The following VSNL1 variants were observed in gnomAD, a reference collection of about 807,000 sequenced individuals.
VSNL1 encodes the protein visinin like 1.
VSNL1 carries 6 observed loss-of-function variants against 20.4 expected under a neutral mutation model. The observed-to-expected ratio is 0.29, with a 90% CI of 0.16 to 0.58. VSNL1 has a LOEUF of 0.58. Ranked by LOEUF, VSNL1 falls within the 20% of genes least tolerant of loss-of-function variation. The pLI is 0.90. For missense variants in VSNL1, 100 were observed against 234.5 expected, an observed-to-expected ratio of 0.43 and a Z score of 3.75; for synonymous variants, 93 against 86.4, an observed-to-expected ratio of 1.08 and a Z score of -0.42.
chr2:17,566,733 C>G (rs953904076), intron 1 of VSNL1, among the ~76,000 whole-genome samples: 3 of 152,116 alleles, frequency 2.0e-5, no homozygotes, highest in Non-Finnish European at 4.4e-5. Flanking sequence ...ATTTATCAAC[C>G]TCTTACCATG....
intron 1 of VSNL1, among the ~76,000 whole-genome samples, chr2:17,577,572 A>C (rs1481444510): frequency 6.6e-6 from 1 of 152,138 alleles, no homozygotes. Flanking sequence ...GGAGACCTCA[A>C]ATGTCCTCTC....
chr2:17,630,880 C>G (rs1419975602), intron 2 of VSNL1, among the ~76,000 whole-genome samples: 2 of 152,230 alleles, frequency 1.3e-5, no homozygotes, highest in African/African-American at 4.8e-5. Context: ...CTCCTGGGTT[C>G]AAGCAATTCT....
chr2:17,637,712 G>A (rs148067396), intron 2 of VSNL1, among the ~76,000 whole-genome samples: 247 of 152,320 alleles, frequency 1.6e-3, no homozygotes, highest in African/African-American at 5.7e-3. Flanking sequence ...ACCTGCTGAA[G>A]CAGAATTTGC....
intron 1 of VSNL1, among the ~76,000 whole-genome samples, chr2:17,576,563 A>G (rs1664219578): frequency 6.6e-6 from 1 of 152,144 alleles, no homozygotes; most frequent in Admixed American, 6.6e-5. Flanking sequence ...TTCATATTCT[A>G]TTGATGTTCA....
chr2:17,618,687 G>C (rs955902099), intron 2 of VSNL1, among the ~76,000 whole-genome samples: 1 of 152,082 alleles, frequency 6.6e-6, no homozygotes, highest in Non-Finnish European at 1.5e-5. Flanking sequence ...TAATATTTCC[G>C]ACAGACTGAG....
At chr2:17,605,981 A>G (rs974496816) in intron 2 of VSNL1, among the ~76,000 whole-genome samples, 3 of 152,248 alleles carry the variant, frequency 2.0e-5, no homozygotes, top group African/African-American at 7.2e-5. Flanking sequence ...CTCTGCATAT[A>G]TTAACTCATT....
chr2:17,654,753 G>A (rs771390930), intron 3 of VSNL1, among the ~76,000 whole-genome samples: 16 of 152,088 alleles, frequency 1.1e-4, no homozygotes, highest in Non-Finnish European at 2.2e-4. Context: ...AGGAAAACTC[G>A]GTGATCTGCT....
chr2:17,596,345 C>T (rs369974101), intron 2 of VSNL1, among the ~76,000 whole-genome samples: 2 of 152,198 alleles, frequency 1.3e-5, no homozygotes, highest in Non-Finnish European at 2.9e-5. Context: ...GAACCAAGTA[C>T]CTGATCACCC....
At chr2:17,610,314 C>G (rs1364880390) in intron 2 of VSNL1, among the ~76,000 whole-genome samples, 1 of 152,132 alleles carries the variant, frequency 6.6e-6, no homozygotes, top group Non-Finnish European at 1.5e-5. Context: ...AGAGCTCAAT[C>G]AATGAGGGAG....
At chr2:17,579,559 C>T (rs375481153) in intron 1 of VSNL1, among the ~76,000 whole-genome samples, 26 of 152,308 alleles carry the variant, frequency 1.7e-4, no homozygotes, top group African/African-American at 6.3e-4. Flanking sequence ...CTGGCAAATT[C>T]GTTGAGGCAG....
chr2:17,652,244 G>A (rs1294560801), intron 3 of VSNL1, among the ~76,000 whole-genome samples: 1 of 152,168 alleles, frequency 6.6e-6, no homozygotes. Flanking sequence ...CTGATGTTTA[G>A]AGGTGAGGAA....
intron 2 of VSNL1, among the ~76,000 whole-genome samples, chr2:17,593,316 G>A (rs868029329): frequency 2.6e-5 from 4 of 152,220 alleles, no homozygotes; most frequent in African/African-American, 9.6e-5. Context: ...ATAAACAGTG[G>A]TATATTTGAA....
intron 2 of VSNL1, among the ~76,000 whole-genome samples, chr2:17,648,776 T>C (rs1666057988): frequency 6.6e-6 from 1 of 152,228 alleles, no homozygotes; most frequent in African/African-American, 2.4e-5. Context: ...CTGGTGACAG[T>C]TGGCTCTGTG....
intron 2 of VSNL1, among the ~76,000 whole-genome samples, chr2:17,620,919 A>G (rs1211910139): frequency 6.6e-6 from 1 of 152,254 alleles, no homozygotes; most frequent in Non-Finnish European, 1.5e-5. Flanking sequence ...GTTTCAAAGG[A>G]ATGCTACTTC....
At chr2:17,609,891 C>T (rs1260200734) in intron 2 of VSNL1, among the ~76,000 whole-genome samples, 1 of 152,232 alleles carries the variant, frequency 6.6e-6, no homozygotes, top group African/African-American at 2.4e-5. Context: ...GCCATCATCT[C>T]TACCCTTTTC....
chr2:17,574,287 G>A (rs1200294900), intron 1 of VSNL1, among the ~76,000 whole-genome samples: 1 of 151,918 alleles, frequency 6.6e-6, no homozygotes, highest in African/African-American at 2.4e-5. Context: ...CCCTGAGAAT[G>A]ATTATATATG....
In VSNL1 at chr2:17,649,795, G is replaced by A. The variant is rs1351123576; in HGVS notation, c.378+170G>A. ...CCCCGCTGCAGCACAGTGCTGGGGA[G>A]GTCCCAGAACCAAGCCATGGGGCCC... On this transcript the variant is annotated intron_variant, in intron 3 of 3. Transcript: ENST00000295156. The surrounding 1 kb of genome is among the most constrained non-coding windows in gnomAD (Gnocchi z 6.4). Among the ~76,000 whole-genome samples, 2 of 152,194 alleles carry A rather than the reference G, an allele frequency of 1.3e-5. No homozygotes were observed. The highest frequency in any genetic ancestry group is 1.5e-5 in the Non-Finnish European group (1 of 68,036).
chr2:17,648,373 G>A (rs1349951835), intron 2 of VSNL1, among the ~76,000 whole-genome samples: 1 of 152,228 alleles, frequency 6.6e-6, no homozygotes, highest in African/African-American at 2.4e-5. Context: ...ATAGCCCAGA[G>A]TGGGCAAAGA....
At chr2:17,607,385 A>G (rs1040193996) in intron 2 of VSNL1, among the ~76,000 whole-genome samples, 8 of 152,256 alleles carry the variant, frequency 5.3e-5, no homozygotes, top group African/African-American at 1.4e-4. Flanking sequence ...AGATACAAAA[A>G]TGAATAAAAT....
Sources: gnomAD v4.1 joint callset for allele counts (sites outside exome capture counted in the v4.1 genomes callset) on GRCh38, gnomAD v4.1.1 for gene constraint, Gnocchi (gnomAD v3.1) non-coding constraint, MANE v1.5 for transcripts, NCBI Gene and HGNC (gene_info 2026-07-23, HGNC 2026-07-21) for gene names.